DHX30: variants seen among roughly 807,000 people sequenced by gnomAD.
The protein encoded by DHX30 is ATP-dependent RNA helicase DHX30.
Under a neutral mutation model 116.9 loss-of-function variants are expected in DHX30, and 4 were observed. That is an observed-to-expected ratio of 0.03 (90% CI 0.02 to 0.08). The LOEUF is 0.08. Among genes scored for constraint, DHX30 ranks in the 10% least tolerant of loss-of-function variants. DHX30 has a pLI of 1.00. For missense variants in DHX30, 871 were observed against 1,595.1 expected (o/e 0.55, Z 7.73); for synonymous variants, 697 against 651.7 (o/e 1.07, Z -1.06).
At chr3:47,822,996 G>A (rs1425545616) in intron 4 of DHX30, among the ~76,000 whole-genome samples, 1 of 150,860 alleles carries the variant, frequency 6.6e-6, no homozygotes, top group Non-Finnish European at 1.5e-5. Context: ...GGGGGGCTGA[G>A]CCAGGATAAT....
At chr3:47,823,092 CAAA>C (rs548519483) in intron 4 of DHX30, among the ~76,000 whole-genome samples, 5 of 53,098 alleles carry the variant, frequency 9.4e-5, no homozygotes, top group Admixed American at 4.4e-4. Context: ...GACTCCATCT[CAAA>C]AAAAAAAAAA....
chr3:47,846,663 G>T lies in DHX30; in HGVS notation c.1591G>T (p.Ala531Ser). Residue 531 changes from alanine (A) to serine (S), a missense_variant, in exon 11 of 22, where the codon GCC becomes TCC. Physicochemically the swap from Ala to Ser is moderately conservative, Grantham distance 99. Coordinates refer to ENST00000445061, the MANE Select transcript of DHX30 (RefSeq NM_138615.3). ...LESKPPSRGGALLFCTVGILL... is the reference protein window; with the variant it reads ...LESKPPSRGGSLLFCTVGILL... ...AAGTAAGCCCCCATCCCGAGGCGGGGCCCTGCTCTTCTGCACTGTGGGTAT... is the reference window on the plus strand; with the variant it reads ...AAGTAAGCCCCCATCCCGAGGCGGGTCCCTGCTCTTCTGCACTGTGGGTAT... The T allele has an allele frequency of 6.2e-7, 1 of 1,614,050 alleles. No individual in the cohort carries two copies. Among genetic ancestry groups the T allele is most frequent in the Non-Finnish European group, 8.5e-7 (1 of 1,179,992 alleles).
In DHX30 at chr3:47,848,802, G is replaced by A; in HGVS notation, c.2754G>A (p.Arg918=). The part of the protein sequence containing the change: ...RDPFSSSLQN[R]AEVDKVKALL... Reference sequence around the variant, plus strand: ...CCTTCAGCAGCAGCCTACAGAACCGGGCAGAGGTGGACAAGGTCAGTCCTG... The same window carrying A: ...CCTTCAGCAGCAGCCTACAGAACCGAGCAGAGGTGGACAAGGTCAGTCCTG... The change falls in exon 17 of 22, where the codon CGG becomes CGA. Residue 918 remains arginine, a synonymous_variant. Coordinates refer to ENST00000445061, the MANE Select transcript of DHX30 (RefSeq NM_138615.3). The surrounding 1 kb of genome is among the most constrained non-coding windows in gnomAD (Gnocchi z 9.4). The A allele has an allele frequency of 1.2e-6, 2 of 1,612,194 alleles. No homozygotes were observed. Among genetic ancestry groups the A allele is most frequent in the Non-Finnish European group, 1.7e-6 (2 of 1,178,386 alleles).
intron 6 of DHX30, among the ~76,000 whole-genome samples, chr3:47,838,390 T>G (rs888821489): frequency 7.9e-5 from 12 of 152,236 alleles, no homozygotes; most frequent in African/African-American, 2.4e-4. Flanking sequence ...AGTTCTATCA[T>G]CCAGGAACAT....
intron 3 of DHX30, chr3:47,816,111 C>G (rs73085185): frequency 1.0e-6 from 1 of 984,606 alleles, no homozygotes; most frequent in Non-Finnish European, 1.2e-6. Flanking sequence ...CCTACAAGCA[C>G]GTCTGCTGTA....
At position 47,847,742 on chromosome 3, in the gene DHX30, G is replaced by C; in HGVS notation, c.2111-39G>C. ...CACATTCCAGGGGGGAATTCTGGTGGAAGCAGTGCCCATAACTGGTGTGTG... is the reference window on the plus strand; with the variant it reads ...CACATTCCAGGGGGGAATTCTGGTGCAAGCAGTGCCCATAACTGGTGTGTG... On this transcript the variant is annotated intron_variant, in intron 13 of 21. Coordinates refer to ENST00000445061, the MANE Select transcript of DHX30 (RefSeq NM_138615.3). The surrounding 1 kb of genome is among the most constrained non-coding windows in gnomAD (Gnocchi z 5.5). 1 of 1,594,764 alleles carries C rather than the reference G, an allele frequency of 6.3e-7. No individual in the cohort carries two copies. The highest frequency in any genetic ancestry group is 8.6e-7 in the Non-Finnish European group (1 of 1,166,992).
chr3:47,838,157 G>A (rs1031205946), intron 6 of DHX30, among the ~76,000 whole-genome samples: 6 of 152,246 alleles, frequency 3.9e-5, no homozygotes, highest in African/African-American at 1.2e-4. Flanking sequence ...TGGCAGCTGA[G>A]CCTTGGATCG....
At chr3:47,819,791 TC>T (rs1368448578) in intron 4 of DHX30, among the ~76,000 whole-genome samples, 1 of 152,120 alleles carries the variant, frequency 6.6e-6, no homozygotes, top group Non-Finnish European at 1.5e-5. Context: ...CCCCCCTTCC[TC>T]CACTGCCAAT....
intron 3 of DHX30, chr3:47,815,940 T>C (rs2036032965): frequency 1.8e-5 from 3 of 166,666 alleles, no homozygotes; most frequent in Non-Finnish European, 3.3e-5. Context: ...TCATTTATTC[T>C]TTTTTTTTTT....
chr3:47,848,724 C>T lies in DHX30; in HGVS notation c.2676C>T (p.Ile892=). 6.2e-7 allele frequency: 1 copy of T among 1,614,198 alleles called. No individual in the cohort carries two copies. Reference sequence around the variant, plus strand: ...CCAAGGCCATTGTGTTGGCTGCCATCTTCCGTTGCCTGCACCCACTACTGG... The same window carrying T: ...CCAAGGCCATTGTGTTGGCTGCCATTTTCCGTTGCCTGCACCCACTACTGG... ...RLAKAIVLAA[I]FRCLHPLLVV... The change falls in exon 17 of 22, where the codon ATC becomes ATT. Residue 892 remains isoleucine, a synonymous_variant. Transcript: ENST00000445061. This position sits in a 1 kb window ranked among gnomAD's most constrained non-coding sequence, Gnocchi z 9.4.
At chr3:47,811,200 C>G (rs1345283789) in intron 3 of DHX30, among the ~76,000 whole-genome samples, 1 of 151,948 alleles carries the variant, frequency 6.6e-6, no homozygotes, top group Non-Finnish European at 1.5e-5. Flanking sequence ...GTGATCCACC[C>G]ACCTCGGCCT....
At chr3:47,829,913 G>A (rs2107043311) in intron 6 of DHX30, among the ~76,000 whole-genome samples, 1 of 151,056 alleles carries the variant, frequency 6.6e-6, no homozygotes, top group South Asian at 2.1e-4. Context: ...CTCACTGCAA[G>A]CTCTGCCTCC....
chr3:47,840,842 G>T, intron 6 of DHX30, 35 bp from the exon 7 acceptor site: 3 of 1,613,452 alleles, frequency 1.9e-6, no homozygotes, highest in Non-Finnish European at 2.5e-6. Context: ...TGTAAAGATG[G>T]TATCAATCCT....
chr3:47,817,139 C>T (rs913180586), intron 3 of DHX30, among the ~76,000 whole-genome samples: 1 of 152,148 alleles, frequency 6.6e-6, no homozygotes, highest in African/African-American at 2.4e-5. Flanking sequence ...GTGTGGCCAT[C>T]TCTGCTCCCC....
intron 6 of DHX30, among the ~76,000 whole-genome samples, chr3:47,838,673 C>T (rs1219417314): frequency 6.6e-6 from 1 of 152,122 alleles, no homozygotes; most frequent in African/African-American, 2.4e-5. Flanking sequence ...GTCACATGGC[C>T]CTGATGTTCA....
intron 3 of DHX30, among the ~76,000 whole-genome samples, chr3:47,814,534 T>A (rs1365989736): frequency 6.6e-6 from 1 of 151,988 alleles, no homozygotes; most frequent in Non-Finnish European, 1.5e-5. Context: ...AAAAAGATTG[T>A]TTGAGCCAGG....
intron 4 of DHX30, among the ~76,000 whole-genome samples, chr3:47,819,827 G>T (rs1402329643): frequency 6.6e-6 from 1 of 152,118 alleles, no homozygotes. Context: ...TCCTTCCAGG[G>T]TAAAGGGTGA....
chr3:47,823,653 C>T (rs1053807571), intron 4 of DHX30, among the ~76,000 whole-genome samples: 30 of 152,200 alleles, frequency 2.0e-4, no homozygotes, highest in Admixed American at 4.6e-4. Flanking sequence ...TGAGCCACTG[C>T]GCCTGGCTGA....
intron 3 of DHX30, 90 bp from the exon 4 acceptor site, chr3:47,817,929 GCTC>G: frequency 1.3e-6 from 1 of 779,064 alleles, no homozygotes; most frequent in Non-Finnish European, 2.4e-6. Context: ...GTTGCCCAGA[GCTC>G]CTCACGGATG....
Sources: gnomAD v4.1 joint callset for allele counts (sites outside exome capture counted in the v4.1 genomes callset) on GRCh38, gnomAD v4.1.1 for gene constraint, Gnocchi (gnomAD v3.1) non-coding constraint, MANE v1.5 for transcripts, NCBI Gene and HGNC (gene_info 2026-07-23, HGNC 2026-07-21) for gene names.